Variants in PDE10A observed in about 807,000 individuals in gnomAD.
PDE10A encodes the protein phosphodiesterase 10A, also known as cAMP and cAMP-inhibited cGMP 3',5'-cyclic phosphodiesterase 10A.
Under a neutral mutation model 97.7 loss-of-function variants are expected in PDE10A, and 39 were observed. The observed-to-expected ratio is 0.40, with a 90% confidence interval of 0.31 to 0.52. The LOEUF is 0.52. Ranked by LOEUF, PDE10A falls within the 20% of genes least tolerant of loss-of-function variation. PDE10A has a pLI of 0.56. For synonymous variants in PDE10A, 371 were observed against 376.8 expected, an observed-to-expected ratio of 0.98 and a Z score of 0.18; for missense variants, 731 against 1,047.8, an observed-to-expected ratio of 0.70 and a Z score of 4.17.
intron 1 of PDE10A, among the ~76,000 whole-genome samples, chr6:165,868,611 A>G (rs1781118283): frequency 6.6e-6 from 1 of 152,124 alleles, no homozygotes; most frequent in Admixed American, 6.5e-5. Flanking sequence ...AATTCTTCTC[A>G]AACTGTTACC....
chr6:165,968,465 C>A (rs1005778425), intron 1 of PDE10A, among the ~76,000 whole-genome samples: 8 of 152,158 alleles, frequency 5.3e-5, no homozygotes, highest in African/African-American at 1.9e-4. Context: ...ACATAGATTT[C>A]TAGAAAATGG....
At chr6:165,865,264 C>A (rs1294175992) in intron 1 of PDE10A, among the ~76,000 whole-genome samples, 1 of 152,170 alleles carries the variant, frequency 6.6e-6, no homozygotes, top group African/African-American at 2.4e-5. Context: ...AGCATTCTAC[C>A]CAACCCACAC....
intron 13 of PDE10A, among the ~76,000 whole-genome samples, chr6:165,413,286 C>A (rs1788037366): frequency 6.6e-6 from 1 of 152,054 alleles, no homozygotes; most frequent in Admixed American, 6.6e-5. Context: ...CAAATTCCCA[C>A]CTTGAAATAA....
At chr6:165,710,044 A>C (rs928395566) in intron 1 of PDE10A, among the ~76,000 whole-genome samples, 1 of 151,798 alleles carries the variant, frequency 6.6e-6, no homozygotes, top group African/African-American at 2.4e-5. Context: ...GAACATACCA[A>C]CTCAGACCTG....
intron 1 of PDE10A, among the ~76,000 whole-genome samples, chr6:165,752,375 C>T (rs59751101): frequency 6.6e-6 from 1 of 152,050 alleles, no homozygotes; most frequent in African/African-American, 2.4e-5. Flanking sequence ...TCAAAGTGAG[C>T]GAGCTGGCCT....
chr6:165,746,525 CA>C (rs1276462592), intron 1 of PDE10A, among the ~76,000 whole-genome samples: 1 of 152,214 alleles, frequency 6.6e-6, no homozygotes, highest in East Asian at 1.9e-4. Context: ...CCCAGAGATA[CA>C]AATACCCATT....
At chr6:165,489,667 G>A (rs1405620239) in intron 2 of PDE10A, among the ~76,000 whole-genome samples, 3 of 152,070 alleles carry the variant, frequency 2.0e-5, no homozygotes, top group East Asian at 1.9e-4. Context: ...CCAGAGAAAG[G>A]TGAAATCCAA....
At chr6:165,419,126 C>T (rs1343849818) in intron 10 of PDE10A, among the ~76,000 whole-genome samples, 3 of 152,176 alleles carry the variant, frequency 2.0e-5, no homozygotes, top group African/African-American at 7.2e-5. Context: ...TTCTGCCATC[C>T]AAGGCCCTCT....
At chr6:165,813,444 G>T (rs1380368909) in intron 1 of PDE10A, among the ~76,000 whole-genome samples, 1 of 124,126 alleles carries the variant, frequency 8.1e-6, no homozygotes, top group Non-Finnish European at 1.8e-5. Flanking sequence ...AGGTGACCTA[G>T]TGACTTTATG....
At chr6:165,964,046 C>G (rs1583360301) in intron 1 of PDE10A, among the ~76,000 whole-genome samples, 1 of 152,362 alleles carries the variant, frequency 6.6e-6, no homozygotes, top group South Asian at 2.1e-4. Context: ...TTAAAACGTA[C>G]AGATGTAAAG....
intron 1 of PDE10A, among the ~76,000 whole-genome samples, chr6:165,977,926 C>G (rs1233817912): frequency 8.5e-5 from 13 of 152,182 alleles, no homozygotes; most frequent in Non-Finnish European, 2.9e-5. Context: ...AAAGAGCAAG[C>G]TACTGCAACA....
In PDE10A at chr6:165,361,342, T is replaced by G. The variant is rs192217281; in HGVS notation, c.2784-17840A>C. Among the ~76,000 whole-genome samples, 241 of 152,262 alleles carry G rather than the reference T, an allele frequency of 1.6e-3. 1 individual carries two copies. The highest frequency in any genetic ancestry group is 5.4e-3 in the African/African-American group (225 of 41,566). On this transcript the variant is annotated intron_variant, in intron 18 of 21. Coordinates refer to ENST00000539869, the MANE Select transcript of PDE10A (RefSeq NM_001385079.1). ...CTCATTAGATTTAAAAGAATAAAAA[T>G]AATATAAAGTATGTTCTTTGACCAC...
At chr6:165,524,340 C>T (rs1218997533) in intron 2 of PDE10A, among the ~76,000 whole-genome samples, 1 of 152,098 alleles carries the variant, frequency 6.6e-6, no homozygotes, top group Non-Finnish European at 1.5e-5. Context: ...GAGTTGGCTG[C>T]TTAATATGAT....
intron 1 of PDE10A, among the ~76,000 whole-genome samples, chr6:165,833,109 T>C (rs538625808): frequency 7.9e-5 from 12 of 152,386 alleles, no homozygotes; most frequent in African/African-American, 2.6e-4. Flanking sequence ...TATTTGGTTA[T>C]AGGATTTTCA....
chr6:165,503,872 T>C (rs1781042423), intron 2 of PDE10A, among the ~76,000 whole-genome samples: 1 of 152,186 alleles, frequency 6.6e-6, no homozygotes, highest in Non-Finnish European at 1.5e-5. Context: ...CCACTAACAG[T>C]GGGAAATATA....
At chr6:165,639,507 G>C (rs550029987) in intron 1 of PDE10A, among the ~76,000 whole-genome samples, 1 of 152,100 alleles carries the variant, frequency 6.6e-6, no homozygotes, top group South Asian at 2.1e-4. Context: ...GGAGGCTGAG[G>C]CATGTGGATC....
intron 1 of PDE10A, among the ~76,000 whole-genome samples, chr6:165,953,588 C>G (rs570420493): frequency 2.6e-5 from 1 of 38,300 alleles, no homozygotes; most frequent in South Asian, 8.6e-4. Flanking sequence ...GAGACTTCGT[C>G]TCAAAAAAAA....
At chr6:165,949,971 T>C (rs1412820660) in intron 1 of PDE10A, 2 of 152,190 alleles carry the variant, frequency 1.3e-5, no homozygotes, top group African/African-American at 4.8e-5. Context: ...TCATAAGAGC[T>C]AAAACATGAG....
upstream of PDE10A, among the ~76,000 whole-genome samples, chr6:165,664,214 C>G (rs1485569602): frequency 1.3e-5 from 2 of 152,060 alleles, no homozygotes; most frequent in Non-Finnish European, 2.9e-5. Flanking sequence ...GACCCAGGGC[C>G]CTGGGCTCCC....
Sources: allele counts gnomAD v4.1 joint callset (sites outside exome capture counted in the v4.1 genomes callset), GRCh38; gene constraint gnomAD v4.1.1; transcripts MANE v1.5; gene names NCBI Gene and HGNC (gene_info 2026-07-23, HGNC 2026-07-21).